The following TARS3 variants were observed in gnomAD, a reference collection of about 807,000 sequenced individuals.
TARS3 encodes the protein threonine--tRNA ligase 2, cytoplasmic.
A neutral mutation model predicts 103.5 loss-of-function variants in TARS3; 94 were observed. That is an observed-to-expected ratio of 0.91 (90% CI 0.77 to 1.08). The LOEUF is 1.08. TARS3 is among the 50% of genes least tolerant of loss of function. The pLI is 0.00. For synonymous variants in TARS3, 416 were observed against 355.4 expected, an observed-to-expected ratio of 1.17 and a Z score of -1.92; for missense variants, 952 against 995.2, an observed-to-expected ratio of 0.96 and a Z score of 0.58.
At chr15:101,657,669 G>T (rs575044148) in intron 17 of TARS3, 116 bp downstream of exon 17, 39 of 619,344 alleles carry the variant, frequency 6.3e-5, no homozygotes, top group Non-Finnish European at 9.7e-5. Context: ...TGAAAACACG[G>T]TTTAAGCTAA....
At chr15:101,658,286 A>G (rs1185039379) in intron 16 of TARS3, among the ~76,000 whole-genome samples, 2 of 142,522 alleles carry the variant, frequency 1.4e-5, no homozygotes, top group Non-Finnish European at 3.0e-5. Flanking sequence ...GTGCATCCAC[A>G]CTGTGGAACG....
intron 16 of TARS3, among the ~76,000 whole-genome samples, chr15:101,660,008 G>A (rs1342135114): frequency 6.6e-6 from 1 of 152,198 alleles, no homozygotes. Context: ...TTCTGCTAAT[G>A]TATAAACATG....
chr15:101,684,565 A>G (rs1898388044), intron 11 of TARS3, among the ~76,000 whole-genome samples: 2 of 152,168 alleles, frequency 1.3e-5, no homozygotes. Context: ...TTTCCCAGAC[A>G]GGGCTAGGCA....
intron 10 of TARS3, among the ~76,000 whole-genome samples, chr15:101,693,884 G>T (rs1353484828): frequency 1.2e-4 from 18 of 152,118 alleles, no homozygotes; most frequent in Non-Finnish European, 2.1e-4. Context: ...GTCAGGGCTG[G>T]GGAGGATTTG....
intron 5 of TARS3, among the ~76,000 whole-genome samples, chr15:101,709,949 G>A (rs1038644948): frequency 1.3e-5 from 2 of 152,160 alleles, no homozygotes; most frequent in African/African-American, 4.8e-5. Context: ...GATGACTGGT[G>A]GCTAGGTCCC....
At chr15:101,665,989 A>G (rs76075597) in intron 15 of TARS3, among the ~76,000 whole-genome samples, 166 of 152,322 alleles carry the variant, frequency 1.1e-3, no homozygotes, top group African/African-American at 3.9e-3. Flanking sequence ...AATAAATGCA[A>G]ACATTGGAAG....
At position 101,724,216 on chromosome 15, in the gene TARS3, G is replaced by C. The variant is rs1398684863; in HGVS notation, c.172C>G (p.Arg58Gly). Reference sequence around the variant, plus strand: ...TGGCGCAGGTCGCAGTTCTCGGCCCGGAGCTGCGCCACCTCCCGCGTGAGG... The same window carrying C: ...TGGCGCAGGTCGCAGTTCTCGGCCCCGAGCTGCGCCACCTCCCGCGTGAGG... ...PCLTREVAQL[R>G]AENCDLRHRL... The change falls in exon 1 of 19, where the codon CGG becomes GGG. Residue 58 changes from arginine to glycine, a missense_variant. Arg to Gly is a moderately radical substitution (Grantham distance 125, BLOSUM62 -2). Around this residue, in one of 2 missense-constraint regions of TARS3, gnomAD observed 412 missense variants for 364.2 expected, o/e 1.13. Transcript: ENST00000335968. The C allele has an allele frequency of 2.0e-6, 3 of 1,536,154 alleles. No individual in the cohort carries two copies. The highest frequency in any genetic ancestry group is 2.6e-6 in the Non-Finnish European group (3 of 1,148,276).
At chr15:101,720,083 T>C (rs1900371787) in intron 3 of TARS3, among the ~76,000 whole-genome samples, 1 of 152,206 alleles carries the variant, frequency 6.6e-6, no homozygotes, top group East Asian at 1.9e-4. Flanking sequence ...AAACCTGTTT[T>C]CTCCTAGCAC....
At chr15:101,703,809 A>C (rs954196893) in intron 8 of TARS3, 50 bp downstream of exon 8, 1 of 1,112,650 alleles carries the variant, frequency 9.0e-7, no homozygotes, top group Non-Finnish European at 1.4e-6. Context: ...AAATCCTTTA[A>C]TAGCTAGTGC....
At chr15:101,707,683 A>G (rs1471839207) in intron 6 of TARS3, among the ~76,000 whole-genome samples, 1 of 144,132 alleles carries the variant, frequency 6.9e-6, no homozygotes, top group Non-Finnish European at 1.5e-5. Flanking sequence ...GGTGGTGGCC[A>G]GGGGCTGGGG....
intron 15 of TARS3, among the ~76,000 whole-genome samples, chr15:101,662,770 G>A (rs1432715462): frequency 6.6e-6 from 1 of 152,056 alleles, no homozygotes; most frequent in African/African-American, 2.4e-5. Context: ...GGAAGAAAGA[G>A]AAGCAAACTG....
chr15:101,680,715 T>C (rs1416113534), intron 12 of TARS3, among the ~76,000 whole-genome samples: 1 of 152,216 alleles, frequency 6.6e-6, no homozygotes, highest in Non-Finnish European at 1.5e-5. Context: ...CTTTATTTGA[T>C]ATATGCCTCA....
At chr15:101,669,603 T>C (rs1897718691) in intron 15 of TARS3, among the ~76,000 whole-genome samples, 1 of 152,234 alleles carries the variant, frequency 6.6e-6, no homozygotes, top group Non-Finnish European at 1.5e-5. Flanking sequence ...TTTTATCTTT[T>C]ATACCTAATT....
At chr15:101,685,826 T>C in intron 11 of TARS3, 70 bp downstream of exon 11, 1 of 1,296,484 alleles carries the variant, frequency 7.7e-7, no homozygotes, top group Non-Finnish European at 1.1e-6. Context: ...CCACAAAGCA[T>C]TAAAAGATAA....
chr15:101,690,701 T>C (rs1898677125), intron 10 of TARS3, among the ~76,000 whole-genome samples: 1 of 152,236 alleles, frequency 6.6e-6, no homozygotes, highest in Non-Finnish European at 1.5e-5. Context: ...TTAATCCTTC[T>C]ACTATTGAGA....
chr15:101,668,128 G>A (rs1000637372), intron 15 of TARS3, among the ~76,000 whole-genome samples: 3 of 152,148 alleles, frequency 2.0e-5, no homozygotes, highest in Non-Finnish European at 2.9e-5. Context: ...CTTTTCCTTT[G>A]CATTCACAAC....
chr15:101,701,789 T>C (rs1207577590), intron 9 of TARS3, among the ~76,000 whole-genome samples: 1 of 152,148 alleles, frequency 6.6e-6, no homozygotes, highest in Non-Finnish European at 1.5e-5. Context: ...ACTCTTTTTT[T>C]TTTTGAGACT....
intron 15 of TARS3, among the ~76,000 whole-genome samples, chr15:101,669,999 G>A (rs1463364300): frequency 6.6e-6 from 1 of 152,196 alleles, no homozygotes; most frequent in East Asian, 1.9e-4. Context: ...AATGAATCTT[G>A]ACCCAAATGT....
chr15:101,663,693 G>C (rs924380233), intron 15 of TARS3, among the ~76,000 whole-genome samples: 2 of 151,930 alleles, frequency 1.3e-5, no homozygotes, highest in African/African-American at 4.8e-5. Context: ...ATTATTATTA[G>C]TGCCCATTTC....
Sources: allele counts gnomAD v4.1 joint callset (sites outside exome capture counted in the v4.1 genomes callset), GRCh38; gene constraint gnomAD v4.1.1; regional missense constraint gnomAD v4.1.1; transcripts MANE v1.5; gene names NCBI Gene and HGNC (gene_info 2026-07-23, HGNC 2026-07-21).